Variants in MARF1 observed in about 807,000 individuals in gnomAD.
MARF1 encodes the protein meiosis regulator and mRNA stability factor 1.
In MARF1, 24 loss-of-function variants were observed where a neutral mutation model predicts 168.2. That is an observed-to-expected ratio of 0.14 (90% CI 0.10 to 0.20). MARF1 has a LOEUF of 0.20. Among genes scored for constraint, MARF1 ranks in the 10% least tolerant of loss-of-function variants. MARF1 has a pLI of 1.00. For missense variants in MARF1, 1,744 were observed against 2,143.6 expected (o/e 0.81, Z 3.68); for synonymous variants, 868 against 822.4 (o/e 1.06, Z -0.95).
rs929937817 is a variant in MARF1, at chr16:15,611,050, C to T, written c.3676G>A (p.Val1226Ile). The T allele has an allele frequency of 8.7e-6, 14 of 1,613,382 alleles. No homozygotes were observed. Among genetic ancestry groups the T allele is most frequent in the Admixed American group, 8.3e-5 (5 of 60,010 alleles). Residue 1226 changes from valine (V) to isoleucine (I), a missense_variant, in exon 19 of 27, where the codon GTA becomes ATA. Coordinates refer to ENST00000396368, the MANE Select transcript of MARF1 (RefSeq NM_014647.4). ...EYGVCELIDIVSEIPDTTICL... is the reference protein window; with the variant it reads ...EYGVCELIDIISEIPDTTICL... ...ATGGTTGTGTCTGGAATCTCTGATA[C>T]GATGTCAATCAACTCACAAACACCA... is the stretch of plus-strand genomic sequence containing the variant.
Position 15,628,312 on chromosome 16 carries a change from T to C in MARF1, c.1524+2020A>G, listed in dbSNP as rs191895049. Among the ~76,000 whole-genome samples the C allele has an allele frequency of 6.1e-4, 93 of 152,304 alleles. 1 individual carries two copies. In the East Asian group the frequency reaches 0.016, roughly 26 times the overall value. On this transcript the variant is annotated intron_variant, in intron 7 of 26. Coordinates refer to ENST00000396368, the MANE Select transcript of MARF1 (RefSeq NM_014647.4). ...TACCAAAATATTAACAGTGGTTACT[T>C]CTGGAGGGTAGAATTGTGGGGTTTT... is the stretch of plus-strand genomic sequence containing the variant.
chr16:15,622,769 G>A (rs1396186671), intron 11 of MARF1, among the ~76,000 whole-genome samples, 165 bp downstream of exon 11: 3 of 152,186 alleles, frequency 2.0e-5, no homozygotes, highest in African/African-American at 7.2e-5. Flanking sequence ...GTAAAAACTG[G>A]ATTTATAGCA....
rs201567298 is a variant in MARF1 at position 15,611,058 on chromosome 16, A to G, written c.3668T>C (p.Ile1223Thr). 2.6e-5 allele frequency: 42 copies of G among 1,613,692 alleles called. No individual in the cohort carries two copies. The highest frequency in any genetic ancestry group is 4.5e-5 in the East Asian group (2 of 44,876). The change falls in exon 19 of 27, where the codon ATT becomes ACT. Residue 1223 changes from isoleucine to threonine, a missense_variant. Transcript: ENST00000396368. The stretch of plus-strand genomic sequence containing the variant: ...GTCTGGAATCTCTGATACGATGTCA[A>G]TCAACTCACAAACACCATATTCAGT... ...DVTEYGVCEL[I>T]DIVSEIPDTT...
rs2031605573 is a variant in MARF1, at chr16:15,595,632, A to G, written c.*1061T>C. The G allele has an allele frequency of 6.6e-6, 1 of 152,362 alleles. No homozygotes were observed. The highest frequency in any genetic ancestry group is 2.4e-5 in the African/African-American group (1 of 41,446). The allele number at this position is 152,362 out of a possible 1,614,324, so 9.4% of individuals were successfully genotyped here. On this transcript the variant is annotated 3_prime_UTR_variant, in exon 27 of 27. Coordinates refer to ENST00000396368, the MANE Select transcript of MARF1 (RefSeq NM_014647.4). ...GAGTAAAATCAGACACGATTAAAAG[A>G]TGCTGAGCTGACATACACACACATA... is the stretch of plus-strand genomic sequence containing the variant.
At chr16:15,622,879 AC>A in intron 11 of MARF1, 54 bp downstream of exon 11, 1 of 1,427,220 alleles carries the variant, frequency 7.0e-7, no homozygotes. Flanking sequence ...GGTCCTCTTG[AC>A]TAGAGACTCC....
At chr16:15,615,390 C>A (rs534660049) in intron 16 of MARF1, among the ~76,000 whole-genome samples, 1 of 152,062 alleles carries the variant, frequency 6.6e-6, no homozygotes, top group African/African-American at 2.4e-5. Context: ...CTTTGGGAGG[C>A]GGAGGCAAGT....
intron 4 of MARF1, 111 bp from the exon 5 acceptor site, chr16:15,633,954 T>C (rs2035417140): frequency 1.1e-6 from 1 of 894,580 alleles, no homozygotes; most frequent in African/African-American, 1.7e-5. Context: ...AAATTATTAA[T>C]GAATGCCAAG....
chr16:15,634,723 A>C (rs1205600271), intron 4 of MARF1, 34 bp downstream of exon 4: 1 of 1,586,994 alleles, frequency 6.3e-7, no homozygotes, highest in Non-Finnish European at 8.6e-7. Context: ...AAAGCTATTT[A>C]AATATGCACA....
intron 1 of MARF1, among the ~76,000 whole-genome samples, chr16:15,640,055 G>A (rs902175234): frequency 6.6e-6 from 1 of 152,024 alleles, no homozygotes; most frequent in Non-Finnish European, 1.5e-5. Flanking sequence ...ATTCTTTTCG[G>A]CTCTCTCTCC....
At position 15,622,954 on chromosome 16, in the gene MARF1, C is replaced by A; in HGVS notation, c.2440G>T (p.Ala814Ser). ...GTTACCTTGCCATGCCTGGCAAATGCTTCCTGCAGGAGCTGCTGCAGCTCC... is the reference window on the plus strand; with the variant it reads ...GTTACCTTGCCATGCCTGGCAAATGATTCCTGCAGGAGCTGCTGCAGCTCC... ...RKELQQLLQEAFARHGKVKSV... is the reference protein window; with the variant it reads ...RKELQQLLQESFARHGKVKSV... Residue 814 changes from alanine to serine, a missense_variant, in exon 11 of 27, where the codon GCA (alanine) becomes TCA (serine). Coordinates refer to ENST00000396368, the MANE Select transcript of MARF1 (RefSeq NM_014647.4). 4 of 1,574,678 alleles carry A rather than the reference C, an allele frequency of 2.5e-6. No individual in the cohort carries two copies. Among genetic ancestry groups the A allele is most frequent in the Non-Finnish European group, 3.5e-6 (4 of 1,151,432 alleles).
chr16:15,635,186 C>T, intron 3 of MARF1: 1 of 464,788 alleles, frequency 2.2e-6, no homozygotes. Flanking sequence ...CATGAGTCTG[C>T]TGCAACGAAG....
intron 21 of MARF1, among the ~76,000 whole-genome samples, chr16:15,604,755 G>A (rs1043892426): frequency 6.6e-6 from 1 of 152,122 alleles, no homozygotes; most frequent in Non-Finnish European, 1.5e-5. Context: ...CTTGTGAAGT[G>A]TGGGTTGCTG....
At position 15,634,917 on chromosome 16, in the gene MARF1, G is replaced by A. The variant is rs1357434755; in HGVS notation, c.846C>T (p.Ser282=). 1 of 1,611,184 alleles carries A rather than the reference G, an allele frequency of 6.2e-7. No individual in the cohort carries two copies. Among genetic ancestry groups the A allele is most frequent in the South Asian group, 1.1e-5 (1 of 90,340 alleles). Residue 282 remains serine, a synonymous_variant, in exon 4 of 27, where the codon AGC becomes AGT. Transcript: ENST00000396368. ...GCCAGACTTTAGCCGCATCGATTAT[G>A]CTATTTCTTGCTGGCTGTTTTAAAT... ...EDCLNKPARN[S]IIDAAKVWPN...
Position 15,608,497 on chromosome 16 carries a change from T to C in MARF1, c.3976A>G (p.Lys1326Glu). 1 of 1,614,004 alleles carries C rather than the reference T, an allele frequency of 6.2e-7. No individual in the cohort carries two copies. The change falls in exon 21 of 27, where the codon AAG becomes GAG. Residue 1326 changes from lysine (K) to glutamate (E), a missense_variant. Lys to Glu is a moderately conservative substitution (Grantham distance 56). Around this residue, in one of 7 missense-constraint regions of MARF1, gnomAD observed 543 missense variants for 742.1 expected, o/e 0.73. Transcript: ENST00000396368. ...TCCACCTCTGTCAGAGTAAGGATCT[T>C]TTCTTCTCCACATTCCAATACCTTT... The part of the protein sequence containing the change: ...TLQVLECGEE[K>E]ILTLTEVERF...
At chr16:15,633,551 A>C in intron 5 of MARF1, 66 bp downstream of exon 5, 1 of 1,244,232 alleles carries the variant, frequency 8.0e-7, no homozygotes, top group Non-Finnish European at 1.1e-6. Flanking sequence ...CTCAAAACAA[A>C]CAAACAAACA....
At chr16:15,627,999 G>A (rs534519778) in intron 7 of MARF1, among the ~76,000 whole-genome samples, 109 of 152,208 alleles carry the variant, frequency 7.2e-4, no homozygotes, top group African/African-American at 2.6e-3. Context: ...CAGCCCAGGA[G>A]CCTAAAGATA....
chr16:15,594,484 TA>T lies in MARF1; in HGVS notation c.*2208del. The T allele has an allele frequency of 1.3e-5, 2 of 152,640 alleles. No homozygotes were observed. The highest frequency in any genetic ancestry group is 4.1e-4 in the South Asian group (2 of 4,820). 9.5% of individuals were successfully genotyped at this position (152,640 alleles called of 1,614,324 possible). A position where few individuals can be genotyped will look rare whatever the true frequency, so the allele number is the denominator to read the frequency against. On this transcript the variant is annotated 3_prime_UTR_variant, in exon 27 of 27. Coordinates refer to ENST00000396368, the MANE Select transcript of MARF1 (RefSeq NM_014647.4). ...AAAGTGTTCAAACAAAGTAGACAAC[TA>T]AGAAAAACATCTCTTTCCCCCAAAC... is the stretch of plus-strand genomic sequence containing the variant.
At chr16:15,597,566 G>A (rs552034711) in intron 26 of MARF1, among the ~76,000 whole-genome samples, 1 of 152,204 alleles carries the variant, frequency 6.6e-6, no homozygotes, top group South Asian at 2.1e-4. Flanking sequence ...CTGCTTGAAA[G>A]AGATGCATCA....
chr16:15,637,410 C>T (rs2035669662), intron 2 of MARF1, among the ~76,000 whole-genome samples: 1 of 152,332 alleles, frequency 6.6e-6, no homozygotes, highest in Middle Eastern at 3.4e-3. Flanking sequence ...TCTACACTCA[C>T]CTGGGAGCAT....
Sources: gnomAD v4.1 joint callset for allele counts (sites outside exome capture counted in the v4.1 genomes callset) on GRCh38, gnomAD v4.1.1 for gene constraint, gnomAD v4.1.1 regional missense constraint, MANE v1.5 for transcripts, NCBI Gene and HGNC (gene_info 2026-07-23, HGNC 2026-07-21) for gene names.